PAK3: variants seen among roughly 807,000 people sequenced by gnomAD.
The protein encoded by PAK3 is serine/threonine-protein kinase PAK 3.
In PAK3, 4 loss-of-function variants were observed where a neutral mutation model predicts 41.0. The observed-to-expected ratio is 0.10, with a 90% CI of 0.05 to 0.22. The LOEUF (loss-of-function observed/expected upper bound fraction) is 0.22. PAK3 is among the 10% of genes least tolerant of loss of function. PAK3 has a pLI of 1.00. For missense variants in PAK3, 205 were observed against 409.9 expected (o/e 0.50, Z 4.32); for synonymous variants, 146 against 139.6 (o/e 1.05, Z -0.32).
chrX:111,089,931 T>C (rs149756619), intron 1 of PAK3, among the ~76,000 whole-genome samples: 1 of 111,119 alleles, frequency 9.0e-6, no homozygotes, highest in African/African-American at 3.3e-5. Context: ...GACTCACCTA[T>C]GTAGCGTCCG....
At chrX:111,178,095 C>G (rs907556804) in intron 11 of PAK3, among the ~76,000 whole-genome samples, 1 of 110,716 alleles carries the variant, frequency 9.0e-6, no homozygotes, top group Non-Finnish European at 1.9e-5. Context: ...TACTTGTGGT[C>G]CCCCTGAATA....
chrX:111,050,611 G>A (rs1202975921), intron 1 of PAK3, among the ~76,000 whole-genome samples: 1 of 112,107 alleles, frequency 8.9e-6, no homozygotes, highest in African/African-American at 3.2e-5. Context: ...TGAGTTAGTA[G>A]TAGAACTGGG....
chrX:111,001,014 A>C (rs1161604929), intron 1 of PAK3, among the ~76,000 whole-genome samples: 2 of 111,823 alleles, frequency 1.8e-5, no homozygotes, highest in Non-Finnish European at 3.8e-5. Context: ...AAGCCTTTAA[A>C]GAAGAGGGTG....
intron 1 of PAK3, among the ~76,000 whole-genome samples, chrX:110,986,969 A>G (rs1479749517): frequency 8.9e-6 from 1 of 112,434 alleles, no homozygotes. Flanking sequence ...TGTCTGTGGC[A>G]GAAACAGAGG....
chrX:111,120,641 A>C lies in PAK3; in HGVS notation c.-27-2436A>C, dbSNP rs766094047. Among the ~76,000 whole-genome samples the C allele has an allele frequency of 2.5e-4, 28 of 111,780 alleles. No individual in the cohort carries two copies. The South Asian group carries it at 9.5e-3, about 38-fold the overall frequency. On this transcript the variant is annotated intron_variant, in intron 4 of 17. Transcript: ENST00000372007. Reference sequence around the variant, plus strand: ...TCTGTCATCTCAAGTTAAATATGTCATCAGAAAATATATATCATCCAGAAA... The same window carrying C: ...TCTGTCATCTCAAGTTAAATATGTCCTCAGAAAATATATATCATCCAGAAA...
intron 1 of PAK3, among the ~76,000 whole-genome samples, chrX:111,083,089 G>T (rs1201831537): frequency 8.9e-6 from 1 of 112,434 alleles, no homozygotes; most frequent in Non-Finnish European, 1.9e-5. Flanking sequence ...CTAATAATTT[G>T]CTTAGCTAAC....
rs1289475458 is a variant in PAK3 at position 111,049,060 on chromosome X, C to G, written c.-27-74017C>G. On this transcript the variant is annotated intron_variant, in intron 1 of 14. Transcript: ENST00000425146. ...TCCCTCTTGCTCACTATGTTTTAGT[C>G]TTACTGTCTTTCTGTTCTGTTAACA... Among the ~76,000 whole-genome samples, 4 of 111,689 alleles carry G rather than the reference C, an allele frequency of 3.6e-5. No individual in the cohort carries two copies. In the Admixed American group the frequency reaches 3.8e-4, roughly 11 times the overall value.
chrX:111,133,397 T>G (rs973894981), intron 5 of PAK3, among the ~76,000 whole-genome samples: 1 of 112,203 alleles, frequency 8.9e-6, no homozygotes, highest in African/African-American at 3.2e-5. Context: ...ATTTCTGTGA[T>G]CTTTTCTTTT....
intron 10 of PAK3, among the ~76,000 whole-genome samples, chrX:111,172,133 G>A (rs1177739141): frequency 9.0e-6 from 1 of 111,309 alleles, no homozygotes; most frequent in African/African-American, 3.3e-5. Context: ...TAAATAGTGT[G>A]GATAAGTTCT....
At chrX:111,143,854 T>C (rs1029004122) in intron 6 of PAK3, among the ~76,000 whole-genome samples, 1 of 111,831 alleles carries the variant, frequency 8.9e-6, no homozygotes, top group Non-Finnish European at 1.9e-5. Flanking sequence ...AAACTACTAT[T>C]GTGTTTTATT....
intron 1 of PAK3, among the ~76,000 whole-genome samples, chrX:111,077,780 A>G (rs967776459): frequency 1.8e-5 from 2 of 111,940 alleles, no homozygotes; most frequent in African/African-American, 6.5e-5. Flanking sequence ...CCCCAAAAGC[A>G]CAGACAACTA....
At chrX:111,087,083 C>T (rs2092891507) in intron 1 of PAK3, among the ~76,000 whole-genome samples, 1 of 110,165 alleles carries the variant, frequency 9.1e-6, no homozygotes, top group Admixed American at 9.7e-5. Flanking sequence ...TTTAGCCTCA[C>T]ATGTCAGAAT....
intron 1 of PAK3, among the ~76,000 whole-genome samples, chrX:111,035,152 A>AAAGG (rs2092385725): frequency 3.7e-5 from 1 of 27,244 alleles, no homozygotes; most frequent in African/African-American, 5.4e-5. Flanking sequence ...AGAAAGAAAG[A>AAAGG]AAGGAAGAAA....
At chrX:111,013,816 T>G (rs1320785174) in intron 1 of PAK3, 6 of 111,595 alleles carry the variant, frequency 5.4e-5, no homozygotes, top group Non-Finnish European at 1.1e-4. Context: ...ATCAGCTTGT[T>G]TTCTCTTCCA....
At chrX:111,075,373 C>T (rs1288030224) in intron 1 of PAK3, among the ~76,000 whole-genome samples, 1 of 112,728 alleles carries the variant, frequency 8.9e-6, no homozygotes, top group African/African-American at 3.2e-5. Flanking sequence ...GAGGCTGCTT[C>T]TTGCATCCCT....
At chrX:110,945,522 G>A (rs189704715) in intron 1 of PAK3, among the ~76,000 whole-genome samples, 117 of 111,747 alleles carry the variant, frequency 1.0e-3, no homozygotes, top group African/African-American at 3.7e-3. Flanking sequence ...TCTTAGCAGG[G>A]TTTCCTCTCT....
At chrX:111,114,603 T>C (rs2093430317) in intron 4 of PAK3, among the ~76,000 whole-genome samples, 1 of 111,578 alleles carries the variant, frequency 9.0e-6, no homozygotes, top group South Asian at 3.8e-4. Flanking sequence ...TAGACCTTCA[T>C]TATTAAGCTG....
At chrX:110,946,152 C>T (rs1289653999) in intron 1 of PAK3, among the ~76,000 whole-genome samples, 2 of 110,684 alleles carry the variant, frequency 1.8e-5, no homozygotes, top group Non-Finnish European at 3.8e-5. Flanking sequence ...GCTTCATGGG[C>T]GAGGTGACAT....
At chrX:111,163,085 T>A (rs779335138) in intron 9 of PAK3, 39 bp downstream of exon 9, 2 of 1,154,305 alleles carry the variant, frequency 1.7e-6, no homozygotes, top group Admixed American at 4.4e-5. Flanking sequence ...ATTCAAAAGA[T>A]GCCCTTTGGA....
Sources: gnomAD v4.1 joint callset for allele counts (sites outside exome capture counted in the v4.1 genomes callset) on GRCh38, gnomAD v4.1.1 for gene constraint, MANE v1.5 for transcripts, NCBI Gene and HGNC (gene_info 2026-07-23, HGNC 2026-07-21) for gene names.